ARHGAP28: variants seen among roughly 807,000 people sequenced by gnomAD.
ARHGAP28 encodes the protein Rho GTPase activating protein 28.
Under a neutral mutation model 90.7 loss-of-function variants are expected in ARHGAP28, and 56 were observed. That is an observed-to-expected ratio of 0.62 (90% confidence interval 0.50 to 0.77). ARHGAP28 has a LOEUF of 0.77. ARHGAP28 is among the 30% of genes least tolerant of loss of function. The pLI is 0.00. For missense variants in ARHGAP28, 869 were observed against 900.9 expected (o/e 0.96, Z 0.45); for synonymous variants, 308 against 323.3 (o/e 0.95, Z 0.51).
intron 4 of ARHGAP28, among the ~76,000 whole-genome samples, chr18:6,851,942 G>T (rs1041671332): frequency 6.6e-6 from 1 of 152,070 alleles, no homozygotes; most frequent in Admixed American, 6.5e-5. Flanking sequence ...AGTCCATTTT[G>T]GGGGGTGCTT....
At chr18:6,840,447 GT>G in intron 3 of ARHGAP28, among the ~76,000 whole-genome samples, 1 of 152,318 alleles carries the variant, frequency 6.6e-6, no homozygotes, top group East Asian at 1.9e-4. Flanking sequence ...AAACAGCAAG[GT>G]AAAGGGTATT....
At chr18:6,893,697 C>G (rs1388865053) in intron 14 of ARHGAP28, among the ~76,000 whole-genome samples, 1 of 151,772 alleles carries the variant, frequency 6.6e-6, no homozygotes, top group Non-Finnish European at 1.5e-5. Flanking sequence ...GATGGACTCA[C>G]GGTGTGTGTG....
At chr18:6,859,077 AAAC>A (rs146188171) in intron 4 of ARHGAP28, among the ~76,000 whole-genome samples, 18,644 of 128,156 alleles carry the variant, frequency 0.15, 1,493 homozygotes, top group East Asian at 0.36. Context: ...AGCTTTATTA[AAAC>A]AACAACAACA....
intron 1 of ARHGAP28, among the ~76,000 whole-genome samples, chr18:6,775,040 A>G (rs17416970): frequency 0.028 from 4,197 of 152,280 alleles, 93 homozygotes; most frequent in Middle Eastern, 0.061. Flanking sequence ...GGAAACACAA[A>G]TGTGTGCTCT....
chr18:6,828,716 T>G (rs2056693878), intron 2 of ARHGAP28, among the ~76,000 whole-genome samples: 1 of 152,132 alleles, frequency 6.6e-6, no homozygotes, highest in Non-Finnish European at 1.5e-5. Context: ...AAACAGAAGA[T>G]GGAAGAGTGG....
intron 1 of ARHGAP28, among the ~76,000 whole-genome samples, chr18:6,800,536 A>T (rs1026544308): frequency 6.6e-6 from 1 of 152,254 alleles, no homozygotes; most frequent in Non-Finnish European, 1.5e-5. Context: ...GCCATAAAAA[A>T]GGATGAGTTC....
chr18:6,839,851 ATGATGTGCATTTGACTTG>A (rs749122922), intron 3 of ARHGAP28, among the ~76,000 whole-genome samples: 1 of 152,226 alleles, frequency 6.6e-6, no homozygotes, highest in Non-Finnish European at 1.5e-5. Flanking sequence ...CATTTGACTT[ATGATGTGCATTTGACTTG>A]TCATGATCAT....
At chr18:6,877,396 C>CA (rs2057139826) in intron 10 of ARHGAP28, among the ~76,000 whole-genome samples, 3 of 152,158 alleles carry the variant, frequency 2.0e-5, no homozygotes, top group Non-Finnish European at 4.4e-5. Flanking sequence ...ATGGAGGAGC[C>CA]GTGTGCTGGG....
chr18:6,806,965 C>T (rs1427110159), intron 1 of ARHGAP28, among the ~76,000 whole-genome samples: 1 of 152,158 alleles, frequency 6.6e-6, no homozygotes, highest in Non-Finnish European at 1.5e-5. Context: ...CATCTGCTGG[C>T]GTCCTTTTCT....
intron 5 of ARHGAP28, among the ~76,000 whole-genome samples, chr18:6,865,955 G>A (rs2057035218): frequency 6.6e-6 from 1 of 152,130 alleles, no homozygotes; most frequent in Non-Finnish European, 1.5e-5. Context: ...GCTGGGGAAG[G>A]TTGCTTTAAA....
intron 1 of ARHGAP28, chr18:6,790,678 T>G (rs999340037): frequency 6.6e-6 from 1 of 152,140 alleles, no homozygotes; most frequent in African/African-American, 2.4e-5. Flanking sequence ...AAATAATTGT[T>G]AGTAAATGTC....
intron 10 of ARHGAP28, among the ~76,000 whole-genome samples, chr18:6,879,012 G>C (rs891588421): frequency 2.6e-5 from 4 of 152,086 alleles, no homozygotes; most frequent in Non-Finnish European, 4.4e-5. Context: ...TACTGTGAAC[G>C]GTCTGGCCTG....
intron 1 of ARHGAP28, among the ~76,000 whole-genome samples, chr18:6,739,911 A>G (rs1377207359): frequency 6.7e-6 from 1 of 149,686 alleles, no homozygotes; most frequent in African/African-American, 2.5e-5. Context: ...CTTGTGTGCA[A>G]TGGTGCAATG....
chr18:6,796,964 A>G (rs1398232093), intron 1 of ARHGAP28, among the ~76,000 whole-genome samples: 1 of 152,226 alleles, frequency 6.6e-6, no homozygotes, highest in Admixed American at 6.5e-5. Flanking sequence ...GGGGTCTGTA[A>G]ACTGGGGATG....
chr18:6,844,915 A>T (rs990626986), intron 3 of ARHGAP28, among the ~76,000 whole-genome samples: 6 of 152,206 alleles, frequency 3.9e-5, no homozygotes, highest in Non-Finnish European at 7.4e-5. Flanking sequence ...AACAAAAATA[A>T]CAACACCCAC....
At chr18:6,878,707 T>C (rs1382041702) in intron 10 of ARHGAP28, among the ~76,000 whole-genome samples, 1 of 152,178 alleles carries the variant, frequency 6.6e-6, no homozygotes, top group African/African-American at 2.4e-5. Context: ...CCTAATTTAT[T>C]CCATCACTTA....
intron 1 of ARHGAP28, among the ~76,000 whole-genome samples, chr18:6,809,233 C>T (rs910002519): frequency 5.3e-5 from 8 of 152,134 alleles, no homozygotes; most frequent in Admixed American, 5.2e-4. Flanking sequence ...TGTCCAGTTT[C>T]TAGTTGTTTA....
intron 1 of ARHGAP28, among the ~76,000 whole-genome samples, chr18:6,801,223 T>G (rs937030666): frequency 6.6e-6 from 1 of 152,220 alleles, no homozygotes; most frequent in Non-Finnish European, 1.5e-5. Context: ...AAATTTTTTT[T>G]GCATGTGAAT....
intron 4 of ARHGAP28, among the ~76,000 whole-genome samples, chr18:6,858,559 T>C (rs906743743): frequency 3.2e-4 from 49 of 152,114 alleles, no homozygotes; most frequent in African/African-American, 1.0e-3. Flanking sequence ...CTTTTTTTTT[T>C]TGAGACAGAG....
Sources: gnomAD v4.1 joint callset for allele counts (sites outside exome capture counted in the v4.1 genomes callset) on GRCh38, gnomAD v4.1.1 for gene constraint, MANE v1.5 for transcripts, NCBI Gene and HGNC (gene_info 2026-07-23, HGNC 2026-07-21) for gene names.